Variants in RELN observed in about 807,000 individuals in gnomAD.
RELN encodes reelin.
Under a neutral mutation model 427.6 loss-of-function variants are expected in RELN, and 108 were observed. That is an observed-to-expected ratio of 0.25 (90% CI 0.22 to 0.30). The LOEUF (loss-of-function observed/expected upper bound fraction) is 0.30, where lower values mean the gene tolerates loss of function less well. Ranked by LOEUF, RELN falls within the 10% of genes least tolerant of loss-of-function variation. The pLI, the probability that RELN is intolerant of heterozygous loss-of-function variation, is 1.00. For missense variants in RELN, 3,715 were observed against 4,302.8 expected (o/e 0.86, Z 3.82); for synonymous variants, 1,524 against 1,513.4 (o/e 1.01, Z -0.16).
At chr7:103,755,783 A>G (rs1015724737) in intron 4 of RELN, among the ~76,000 whole-genome samples, 1 of 129,078 alleles carries the variant, frequency 7.7e-6, no homozygotes, top group African/African-American at 3.0e-5. Flanking sequence ...ACCGCACTCC[A>G]GTCTGGGGGA....
intron 52 of RELN, among the ~76,000 whole-genome samples, chr7:103,501,358 G>A (rs541870785): frequency 4.6e-5 from 7 of 152,232 alleles, no homozygotes; most frequent in African/African-American, 1.2e-4. Context: ...GCCCTCAGGC[G>A]GTCGGGAGGC....
chr7:103,924,985 TACACATACACACACACACACACACACAC>T (rs1217926510), intron 1 of RELN, among the ~76,000 whole-genome samples: 11,527 of 137,598 alleles, frequency 0.084, 655 homozygotes, highest in Middle Eastern at 0.14. Flanking sequence ...TGCATGCGCA[TACACATACACACACACACACACACACAC>T]ACACACACAC....
intron 16 of RELN, among the ~76,000 whole-genome samples, chr7:103,641,685 C>T (rs1328512165): frequency 1.3e-5 from 2 of 152,128 alleles, no homozygotes; most frequent in Non-Finnish European, 2.9e-5. Flanking sequence ...ACATATTATG[C>T]TTAGCATGGT....
chr7:103,688,799 A>T (rs1422473913), intron 10 of RELN, among the ~76,000 whole-genome samples: 1 of 152,134 alleles, frequency 6.6e-6, no homozygotes, highest in Admixed American at 6.6e-5. Context: ...GTACAAGAGC[A>T]ACAGAAAATT....
chr7:103,976,615 T>C (rs188302676), intron 1 of RELN, among the ~76,000 whole-genome samples: 17 of 152,232 alleles, frequency 1.1e-4, no homozygotes, highest in Admixed American at 5.2e-4. Flanking sequence ...GAAGCTGCTT[T>C]AGGAGAGTCA....
intron 6 of RELN, among the ~76,000 whole-genome samples, chr7:103,744,588 C>T (rs1473091995): frequency 6.6e-6 from 1 of 152,126 alleles, no homozygotes; most frequent in Non-Finnish European, 1.5e-5. Context: ...GGGATATCAC[C>T]ACTGATCCCA....
chr7:103,495,783 A>C lies in RELN; in HGVS notation c.9309T>G (p.Thr3103=). 6.2e-7 allele frequency: 1 copy of C among 1,614,062 alleles called. No individual in the cohort carries two copies. Among genetic ancestry groups the C allele is most frequent in the African/African-American group, 1.3e-5 (1 of 75,030 alleles). Reference sequence around the variant, plus strand: ...GTTCTCGGGAGGAGAGAGCATTGTGAGTCTTGTCCTTCTTTTTATTTGGCC... The same window carrying C: ...GTTCTCGGGAGGAGAGAGCATTGTGCGTCTTGTCCTTCTTTTTATTTGGCC... ...LYWPNKKKDK[T]HNALSSRELI... is the part of the protein sequence containing the mutation. The change falls in exon 57 of 65, where the codon ACT becomes ACG. Residue 3103 remains threonine, a synonymous_variant. Transcript: ENST00000428762.
chr7:103,848,477 T>C (rs968433360), intron 2 of RELN, among the ~76,000 whole-genome samples: 40 of 152,094 alleles, frequency 2.6e-4, no homozygotes, highest in Non-Finnish European at 3.4e-4. Flanking sequence ...AGGTCCAACA[T>C]AAAAACAACA....
chr7:103,717,476 A>T (rs1290982836), intron 8 of RELN, among the ~76,000 whole-genome samples: 3 of 140,690 alleles, frequency 2.1e-5, no homozygotes, highest in South Asian at 2.2e-4. Context: ...TTCCATATAT[A>T]AAACAAAAAA....
intron 41 of RELN, 48 bp downstream of exon 41, chr7:103,551,019 A>C: frequency 6.7e-7 from 1 of 1,485,216 alleles, no homozygotes; most frequent in Non-Finnish European, 9.3e-7. Context: ...CTTCAGGAAT[A>C]AACTGTCAAA....
In RELN at chr7:103,989,506, C is replaced by A. The variant is rs940935092; in HGVS notation, c.-150G>T. On this transcript the variant is annotated 5_prime_UTR_variant, in exon 1 of 65. Coordinates refer to ENST00000428762, the MANE Select transcript of RELN (RefSeq NM_005045.4). This position sits in a 1 kb window ranked among gnomAD's most constrained non-coding sequence, Gnocchi z 4.9. The stretch of plus-strand genomic sequence containing the variant: ...GCTCGGGAGCGGGCCTGGGAGCGGG[C>A]CCCCGCCGAGAAGTTCCGCGGGAGA... 1.3e-4 allele frequency: 83 copies of A among 622,122 alleles called. 8 individuals carry two copies. The East Asian group carries it at 3.0e-3, about 22-fold the overall frequency. 38.5% of individuals were successfully genotyped at this position (622,122 alleles called of 1,614,324 possible). A position where few individuals can be genotyped will look rare whatever the true frequency, so the allele number is the denominator to read the frequency against.
chr7:103,611,860 A>T (rs1012241541), intron 20 of RELN, 57 bp from the exon 21 acceptor site: 275 of 1,410,878 alleles, frequency 1.9e-4, no homozygotes, highest in Non-Finnish European at 2.6e-4. Flanking sequence ...TTAGAGAAAA[A>T]TTAAAGTCTT....
At chr7:103,931,635 A>G (rs1488630453) in intron 1 of RELN, among the ~76,000 whole-genome samples, 1 of 152,228 alleles carries the variant, frequency 6.6e-6, no homozygotes, top group Non-Finnish European at 1.5e-5. Flanking sequence ...GAAGTCCCTT[A>G]TGACTCTTCT....
intron 2 of RELN, among the ~76,000 whole-genome samples, chr7:103,857,807 T>TA: frequency 1.3e-5 from 2 of 152,030 alleles, no homozygotes; most frequent in South Asian, 4.2e-4. Context: ...ACAACAGAAA[T>TA]AAAATATGCT....
intron 22 of RELN, among the ~76,000 whole-genome samples, chr7:103,610,278 G>T (rs886921407): frequency 6.6e-5 from 10 of 152,148 alleles, no homozygotes; most frequent in Non-Finnish European, 1.5e-4. Context: ...GAGAAAGGGT[G>T]TATATTAAGC....
At chr7:103,634,826 C>A (rs890732341) in intron 19 of RELN, among the ~76,000 whole-genome samples, 6 of 151,768 alleles carry the variant, frequency 4.0e-5, no homozygotes, top group Non-Finnish European at 8.8e-5. Flanking sequence ...TAATAGTTTA[C>A]ATTATAGTTA....
rs1271000902 is a variant in RELN at position 103,989,554 on chromosome 7, G to A, written c.-198C>T. 1 of 454,774 alleles carries A rather than the reference G, an allele frequency of 2.2e-6. No homozygotes were observed. Among genetic ancestry groups the A allele is most frequent in the Non-Finnish European group, 3.6e-6 (1 of 275,848 alleles). The allele number at this position is 454,774 out of a possible 1,614,324, so 28.2% of individuals were successfully genotyped here. On this transcript the variant is annotated 5_prime_UTR_variant, in exon 1 of 65. Transcript: ENST00000428762. This position sits in a 1 kb window ranked among gnomAD's most constrained non-coding sequence, Gnocchi z 4.9. Reference sequence around the variant, plus strand: ...AGACGGCGGCTCCCAAAGTTACTTTGGGCCGCGGGAGCGCGGGACCGGGGC... The same window carrying A: ...AGACGGCGGCTCCCAAAGTTACTTTAGGCCGCGGGAGCGCGGGACCGGGGC...
rs1450820004 is a variant in RELN at position 103,563,441 on chromosome 7, C to T, written c.5211-1488G>A. On this transcript the variant is annotated intron_variant, in intron 34 of 64. Coordinates refer to ENST00000428762, the MANE Select transcript of RELN (RefSeq NM_005045.4). The surrounding 1 kb of genome is among the most constrained non-coding windows in gnomAD (Gnocchi z 4.1). Reference sequence around the variant, plus strand: ...AAAATATTAAAAGCTTACAGAATAACGATAGAAAGAAAACATTTTTGTACA... The same window carrying T: ...AAAATATTAAAAGCTTACAGAATAATGATAGAAAGAAAACATTTTTGTACA... 1.3e-5 allele frequency among the ~76,000 whole-genome samples: 2 copies of T among 152,010 alleles called. No homozygotes were observed. Among genetic ancestry groups the T allele is most frequent in the African/African-American group, 2.4e-5 (1 of 41,480 alleles).
chr7:103,737,865 G>A (rs1790533531), intron 6 of RELN, among the ~76,000 whole-genome samples: 1 of 152,024 alleles, frequency 6.6e-6, no homozygotes, highest in Non-Finnish European at 1.5e-5. Context: ...AGCTTCCTTT[G>A]TTGTAAATTG....
Sources: allele counts gnomAD v4.1 joint callset (sites outside exome capture counted in the v4.1 genomes callset), GRCh38; gene constraint gnomAD v4.1.1; non-coding constraint Gnocchi (gnomAD v3.1); transcripts MANE v1.5; gene names NCBI Gene and HGNC (gene_info 2026-07-23, HGNC 2026-07-21).